MAU2: variants seen among roughly 807,000 people sequenced by gnomAD.
MAU2 encodes MAU2 chromatid cohesion factor homolog.
A neutral mutation model predicts 89.1 loss-of-function variants in MAU2; 9 were observed. The ratio of observed to expected loss-of-function variants is 0.10; its 90% CI spans 0.06 to 0.18. The LOEUF is 0.18. MAU2 is among the 10% of genes least tolerant of loss of function. The probability of loss-of-function intolerance (pLI) is 1.00; values close to 1 mark genes in which losing one functional copy is unlikely to be tolerated. For synonymous variants in MAU2, 357 were observed against 343.4 expected (o/e 1.04, Z -0.44); for missense variants, 425 against 803.5 (o/e 0.53, Z 5.69).
intron 6 of MAU2, 121 bp downstream of exon 6, chr19:19,340,994 C>G: frequency 3.0e-6 from 4 of 1,353,740 alleles, no homozygotes; most frequent in Non-Finnish European, 4.1e-6. Context: ...CGCCCAGACC[C>G]TTAGGCACAG....
chr19:19,332,744 G>A (rs1047158834), intron 1 of MAU2, among the ~76,000 whole-genome samples: 1 of 152,200 alleles, frequency 6.6e-6, no homozygotes, highest in African/African-American at 2.4e-5. Flanking sequence ...CTGGCAGAGA[G>A]GCGAGCCCGT....
chr19:19,348,671 CAGG>C, intron 13 of MAU2: 3 of 649,476 alleles, frequency 4.6e-6, no homozygotes, highest in Non-Finnish European at 8.3e-6. Flanking sequence ...TCACCTACTG[CAGG>C]ACAGGGTGGC....
intron 7 of MAU2, among the ~76,000 whole-genome samples, chr19:19,341,697 C>G (rs2061648616): frequency 6.6e-6 from 1 of 152,200 alleles, no homozygotes. Flanking sequence ...AATGGCAGTT[C>G]AGGGAATCAT....
chr19:19,335,489 GC>G (rs2146674032), intron 1 of MAU2, among the ~76,000 whole-genome samples: 1 of 152,246 alleles, frequency 6.6e-6, no homozygotes, highest in Non-Finnish European at 1.5e-5. Flanking sequence ...TGTCAGAAGG[GC>G]ATGTCCCCTC....
chr19:19,337,124 G>GTTTTT (rs34414052), intron 3 of MAU2, 46 bp from the exon 4 acceptor site: 8 of 1,161,218 alleles, frequency 6.9e-6, no homozygotes, highest in South Asian at 4.2e-5. Context: ...TTGCCGCCTT[G>GTTTTT]TTTTTTTTTT....
intron 1 of MAU2, among the ~76,000 whole-genome samples, chr19:19,327,121 CTTT>C (rs768273058): frequency 8.8e-6 from 1 of 114,264 alleles, no homozygotes; most frequent in Non-Finnish European, 1.8e-5. Context: ...TCCCCAGGAG[CTTT>C]TTTTTTTTTT....
rs577928509 is a variant in MAU2, at chr19:19,351,106, G to C, written c.1548+1670G>C. ...CACCCAAGTTGGAGCGCAGTGGCAT[G>C]ATCTCAGCTCAGCTCGTGGTAACCT... is the stretch of plus-strand genomic sequence containing the variant. On this transcript the variant is annotated intron_variant, in intron 16 of 18. Coordinates refer to ENST00000262815, the MANE Select transcript of MAU2 (RefSeq NM_015329.4). Among the ~76,000 whole-genome samples the C allele has an allele frequency of 2.6e-5, 4 of 152,094 alleles. No individual in the cohort carries two copies. The East Asian group carries it at 5.8e-4, about 22-fold the overall frequency.
chr19:19,342,430 G>A, intron 7 of MAU2, 105 bp from the exon 8 acceptor site: 2 of 1,393,164 alleles, frequency 1.4e-6, no homozygotes, highest in South Asian at 3.0e-5. Flanking sequence ...CTGGCAGAAG[G>A]GGAAGGCAGA....
chr19:19,320,892 GGCGGCGGCCCAGGCT>G lies in MAU2; in HGVS notation c.37_51del (p.Ala13_Ala17del). 1.3e-6 allele frequency: 2 copies of G among 1,496,870 alleles called. No individual in the cohort carries two copies. The highest frequency in any genetic ancestry group is 1.2e-5 in the South Asian group (1 of 81,954). The allele number at this position is 1,496,870 out of a possible 1,614,324, so 92.7% of individuals were successfully genotyped here. ...CTCAGGCGGCGGCAGCGGCCCAGGCGGCGGCGGCCCAGGCTGCGCAGGCCGAGGCGGCCGACTCGT... is the reference window on the plus strand; with the variant it reads ...CTCAGGCGGCGGCAGCGGCCCAGGCGGCGCAGGCCGAGGCGGCCGACTCGT... On this transcript the variant is annotated inframe_deletion, in exon 1 of 19. Coordinates refer to ENST00000262815, the MANE Select transcript of MAU2 (RefSeq NM_015329.4).
chr19:19,331,881 A>G (rs1206061572), intron 1 of MAU2, among the ~76,000 whole-genome samples: 1 of 152,228 alleles, frequency 6.6e-6, no homozygotes, highest in African/African-American at 2.4e-5. Context: ...GTGTGTCCTC[A>G]TGCAGAGAGA....
In MAU2 at chr19:19,341,908, T is replaced by C. The variant is rs549844245; in HGVS notation, c.735+501T>C. ...TGTGCTTGTGTGACAGTCTCAGCCC[T>C]TCGGGGGCTGGGGGCTGCCCTGTGC... On this transcript the variant is annotated intron_variant, in intron 7 of 18. Coordinates refer to ENST00000262815, the MANE Select transcript of MAU2 (RefSeq NM_015329.4). 4.6e-5 allele frequency among the ~76,000 whole-genome samples: 7 copies of C among 152,276 alleles called. No homozygotes were observed. The South Asian group carries it at 1.2e-3, about 27-fold the overall frequency.
intron 1 of MAU2, among the ~76,000 whole-genome samples, chr19:19,327,818 A>G (rs1422743508): frequency 6.6e-6 from 1 of 151,870 alleles, no homozygotes; most frequent in Non-Finnish European, 1.5e-5. Flanking sequence ...ATGGCAGGAC[A>G]CTTTACCTGA....
Position 19,322,442 on chromosome 19 carries a change from T to A in MAU2, c.276+1307T>A, listed in dbSNP as rs572284870. Among the ~76,000 whole-genome samples the A allele has an allele frequency of 2.0e-5, 3 of 152,164 alleles. No homozygotes were observed. In the South Asian group the frequency reaches 6.2e-4, roughly 32 times the overall value. Reference sequence around the variant, plus strand: ...AGTGAGATCCCGTCTCTACAAAAAATACAAAAACTAGCTGGGCGTACTGAC... The same window carrying A: ...AGTGAGATCCCGTCTCTACAAAAAAAACAAAAACTAGCTGGGCGTACTGAC... On this transcript the variant is annotated intron_variant, in intron 1 of 18. Transcript: ENST00000262815.
At chr19:19,352,281 C>G (rs1298899961) in intron 16 of MAU2, 2 of 152,000 alleles carry the variant, frequency 1.3e-5, no homozygotes, top group Admixed American at 1.3e-4. Flanking sequence ...ACAGATAAAG[C>G]AAGATGTGTG....
At chr19:19,351,357 A>C (rs1009717735) in intron 16 of MAU2, among the ~76,000 whole-genome samples, 1 of 151,236 alleles carries the variant, frequency 6.6e-6, no homozygotes, top group Non-Finnish European at 1.5e-5. Context: ...TAGAGATGCT[A>C]TCTCTTAAAA....
At chr19:19,326,726 A>ATATATG (rs1316625348) in intron 1 of MAU2, among the ~76,000 whole-genome samples, 13 of 133,016 alleles carry the variant, frequency 9.8e-5, no homozygotes, top group Non-Finnish European at 1.4e-4. Flanking sequence ...ATATACATAT[A>ATATATG]TATATATATA....
chr19:19,353,178 C>G (rs1343601073), intron 16 of MAU2: 1 of 152,220 alleles, frequency 6.6e-6, no homozygotes, highest in Non-Finnish European at 1.5e-5. Context: ...CGGGACACCC[C>G]CCAGGATCAC....
intron 6 of MAU2, 83 bp from the exon 7 acceptor site, chr19:19,341,169 G>A (rs2061642310): frequency 6.7e-7 from 1 of 1,490,716 alleles, no homozygotes; most frequent in African/African-American, 1.4e-5. Flanking sequence ...TCCCAGGGCA[G>A]GTGGGCAGGT....
chr19:19,331,554 C>T (rs929739502), intron 1 of MAU2, among the ~76,000 whole-genome samples: 11 of 151,814 alleles, frequency 7.2e-5, no homozygotes, highest in African/African-American at 2.7e-4. Context: ...AGGCATTCTA[C>T]ATCCTTTATT....
Sources: allele counts gnomAD v4.1 joint callset (sites outside exome capture counted in the v4.1 genomes callset), GRCh38; gene constraint gnomAD v4.1.1; transcripts MANE v1.5; gene names NCBI Gene and HGNC (gene_info 2026-07-23, HGNC 2026-07-21).